The following RALGPS1 variants were observed in gnomAD, a reference collection of about 807,000 sequenced individuals.
The protein encoded by RALGPS1 is Ral GEF with PH domain and SH3 binding motif 1, also known as ras-specific guanine nucleotide-releasing factor RalGPS1.
In RALGPS1, 19 loss-of-function variants were observed where a neutral mutation model predicts 78.8. That is an observed-to-expected ratio of 0.24 (90% CI 0.17 to 0.35). RALGPS1 has a LOEUF of 0.35. RALGPS1 is among the 10% of genes least tolerant of loss of function. The pLI is 1.00. For synonymous variants in RALGPS1, 228 were observed against 256.3 expected, an observed-to-expected ratio of 0.89 and a Z score of 1.06; for missense variants, 454 against 688.3, an observed-to-expected ratio of 0.66 and a Z score of 3.81.
At chr9:127,106,484 G>A (rs1228912070) in intron 8 of RALGPS1, among the ~76,000 whole-genome samples, 3 of 152,176 alleles carry the variant, frequency 2.0e-5, no homozygotes, top group Non-Finnish European at 4.4e-5. Flanking sequence ...GCAGTATTTC[G>A]TTTCCTAAAG....
At chr9:127,151,356 A>G (rs1353029470) in intron 8 of RALGPS1, among the ~76,000 whole-genome samples, 1 of 152,204 alleles carries the variant, frequency 6.6e-6, no homozygotes, top group African/African-American at 2.4e-5. Flanking sequence ...TCTAAGTACC[A>G]TAATTACTAA....
intron 8 of RALGPS1, among the ~76,000 whole-genome samples, chr9:127,134,561 C>T (rs2057262256): frequency 6.6e-6 from 1 of 152,158 alleles, no homozygotes; most frequent in Non-Finnish European, 1.5e-5. Flanking sequence ...CATGCCTCAC[C>T]ATAGGTATGA....
intron 8 of RALGPS1, chr9:127,069,879 C>T (rs2050040040): frequency 6.6e-6 from 1 of 152,164 alleles, no homozygotes; most frequent in Non-Finnish European, 1.5e-5. Context: ...TTGGGCATAT[C>T]TAAAATATGT....
chr9:127,002,152 G>A (rs1208488143), intron 4 of RALGPS1, among the ~76,000 whole-genome samples: 4 of 152,096 alleles, frequency 2.6e-5, no homozygotes, highest in Admixed American at 2.6e-4. Context: ...ATGTACAAAT[G>A]TAACCATGAT....
intron 11 of RALGPS1, among the ~76,000 whole-genome samples, chr9:127,192,212 G>A (rs1425985652): frequency 2.0e-5 from 3 of 152,250 alleles, no homozygotes; most frequent in African/African-American, 4.8e-5. Context: ...AGAGAGGTGG[G>A]CAGGGAGGGG....
chr9:126,949,820 A>G (rs1023115522), intron 1 of RALGPS1, among the ~76,000 whole-genome samples: 2 of 151,850 alleles, frequency 1.3e-5, no homozygotes, highest in African/African-American at 4.8e-5. Context: ...TAGTTTAATT[A>G]GATCCCATTT....
intron 11 of RALGPS1, among the ~76,000 whole-genome samples, chr9:127,179,139 A>G (rs1378580432): frequency 6.6e-6 from 1 of 152,224 alleles, no homozygotes; most frequent in South Asian, 2.1e-4. Context: ...ACAGCAGAGC[A>G]AGCCCCAGCT....
At chr9:126,988,768 C>G (rs1447841141) in intron 4 of RALGPS1, among the ~76,000 whole-genome samples, 1 of 152,114 alleles carries the variant, frequency 6.6e-6, no homozygotes, top group Non-Finnish European at 1.5e-5. Flanking sequence ...CTGCAAGGGC[C>G]AAGATGAGAG....
chr9:127,191,462 C>G (rs2061027045), intron 11 of RALGPS1, among the ~76,000 whole-genome samples: 1 of 152,152 alleles, frequency 6.6e-6, no homozygotes, highest in Admixed American at 6.5e-5. Context: ...TCCTCCTTTC[C>G]CCACTGACTG....
intron 11 of RALGPS1, 51 bp from the exon 12 acceptor site, chr9:127,195,040 C>T: frequency 6.2e-7 from 1 of 1,602,182 alleles, no homozygotes; most frequent in Non-Finnish European, 8.5e-7. Context: ...TGTGCAGCCC[C>T]TCACCCTCCC....
At chr9:127,050,847 G>A (rs960182791) in intron 6 of RALGPS1, among the ~76,000 whole-genome samples, 8 of 152,176 alleles carry the variant, frequency 5.3e-5, no homozygotes, top group African/African-American at 1.7e-4. Flanking sequence ...CTTCATGTGT[G>A]CATGTGTTGT....
intron 1 of RALGPS1, among the ~76,000 whole-genome samples, chr9:126,926,613 T>C (rs2130980260): frequency 6.6e-6 from 1 of 151,464 alleles, no homozygotes; most frequent in African/African-American, 2.4e-5. Context: ...TGCCTAGGAG[T>C]GTAGGTGTTG....
chr9:127,155,913 CT>C (rs2058685538), intron 8 of RALGPS1, among the ~76,000 whole-genome samples: 2 of 146,498 alleles, frequency 1.4e-5, no homozygotes, highest in Non-Finnish European at 3.0e-5. Context: ...TTTTTTTTTA[CT>C]TCTAAAACTG....
At chr9:127,009,090 T>C (rs1034431550) in intron 4 of RALGPS1, among the ~76,000 whole-genome samples, 5 of 152,228 alleles carry the variant, frequency 3.3e-5, no homozygotes, top group Admixed American at 6.5e-5. Context: ...GGAGATACTT[T>C]TGCAAGTTCT....
intron 11 of RALGPS1, among the ~76,000 whole-genome samples, chr9:127,174,987 C>T (rs1340785582): frequency 6.6e-6 from 1 of 152,182 alleles, no homozygotes; most frequent in Non-Finnish European, 1.5e-5. Context: ...GCCGGGGCTC[C>T]CTGGAAGAGC....
At chr9:127,110,559 C>G (rs1172971962) in intron 8 of RALGPS1, among the ~76,000 whole-genome samples, 1 of 152,212 alleles carries the variant, frequency 6.6e-6, no homozygotes, top group African/African-American at 2.4e-5. Flanking sequence ...ACTCTAGACT[C>G]ATACATACAG....
intron 8 of RALGPS1, among the ~76,000 whole-genome samples, chr9:127,073,446 TTG>T (rs372544285): frequency 1.0e-4 from 9 of 88,586 alleles, no homozygotes; most frequent in Non-Finnish European, 1.6e-4. Context: ...TAGTACACCA[TTG>T]TGTGTGTGTG....
intron 4 of RALGPS1, among the ~76,000 whole-genome samples, chr9:127,022,181 T>G (rs756548032): frequency 6.6e-6 from 1 of 152,126 alleles, no homozygotes; most frequent in African/African-American, 2.4e-5. Flanking sequence ...CCCCCTCTTG[T>G]GGTTTGTCTA....
At chr9:127,098,230 A>G (rs1249672263) in intron 8 of RALGPS1, among the ~76,000 whole-genome samples, 1 of 152,198 alleles carries the variant, frequency 6.6e-6, no homozygotes, top group Non-Finnish European at 1.5e-5. Context: ...TTTTTTGTCA[A>G]TGAAACTGAG....
Sources: gnomAD v4.1 joint callset for allele counts (sites outside exome capture counted in the v4.1 genomes callset) on GRCh38, gnomAD v4.1.1 for gene constraint, MANE v1.5 for transcripts, NCBI Gene and HGNC (gene_info 2026-07-23, HGNC 2026-07-21) for gene names.